The following ARHGAP15 variants were observed in gnomAD, a reference collection of about 807,000 sequenced individuals.
ARHGAP15 encodes the protein Rho GTPase activating protein 15, also known as rho GTPase-activating protein 15.
Under a neutral mutation model 63.7 loss-of-function variants are expected in ARHGAP15, and 51 were observed. The observed-to-expected ratio is 0.80, with a 90% CI of 0.64 to 1.01. The LOEUF is 1.01. Ranked by LOEUF, ARHGAP15 falls within the 50% of genes least tolerant of loss-of-function variation. The pLI, the probability that ARHGAP15 is intolerant of heterozygous loss-of-function variation, is 0.00. For synonymous variants in ARHGAP15, 191 were observed against 193.8 expected, an observed-to-expected ratio of 0.99 and a Z score of 0.12; for missense variants, 560 against 564.6, an observed-to-expected ratio of 0.99 and a Z score of 0.08.
At chr2:143,249,090 G>A (rs1679999309) in intron 5 of ARHGAP15, among the ~76,000 whole-genome samples, 1 of 152,080 alleles carries the variant, frequency 6.6e-6, no homozygotes, top group South Asian at 2.1e-4. Flanking sequence ...GTGATCACCT[G>A]GGTGGCAGAG....
At chr2:143,568,671 C>T (rs1413936075) in intron 11 of ARHGAP15, among the ~76,000 whole-genome samples, 1 of 152,046 alleles carries the variant, frequency 6.6e-6, no homozygotes, top group Non-Finnish European at 1.5e-5. Context: ...GGATATATAC[C>T]CAAAGAATTA....
chr2:143,405,358 T>C (rs1688156074), intron 6 of ARHGAP15, among the ~76,000 whole-genome samples: 1 of 151,900 alleles, frequency 6.6e-6, no homozygotes, highest in Non-Finnish European at 1.5e-5. Context: ...TTTTTTATTT[T>C]TTTGATTTCC....
chr2:143,541,378 G>A (rs1018017951), intron 10 of ARHGAP15, among the ~76,000 whole-genome samples: 49 of 152,210 alleles, frequency 3.2e-4, no homozygotes, highest in East Asian at 7.7e-4. Context: ...CTCTCAACTC[G>A]TCAAAGTCAT....
intron 13 of ARHGAP15, among the ~76,000 whole-genome samples, chr2:143,760,168 T>A (rs1686711435): frequency 1.3e-5 from 2 of 152,202 alleles, no homozygotes; most frequent in Admixed American, 1.3e-4. Flanking sequence ...AACTAATAAA[T>A]GGTTACATCG....
intron 6 of ARHGAP15, among the ~76,000 whole-genome samples, chr2:143,317,698 T>C (rs970033454): frequency 3.9e-5 from 6 of 152,154 alleles, no homozygotes; most frequent in Admixed American, 1.3e-4. Context: ...AGATAATATT[T>C]TCGAGAAGAT....
At chr2:143,161,269 A>G (rs1182366565) in intron 2 of ARHGAP15, among the ~76,000 whole-genome samples, 1 of 151,992 alleles carries the variant, frequency 6.6e-6, no homozygotes, top group African/African-American at 2.4e-5. Context: ...GGAGAAAAAC[A>G]GGCTATTCAT....
At chr2:143,187,048 C>T (rs1574065901) in intron 2 of ARHGAP15, among the ~76,000 whole-genome samples, 1 of 152,156 alleles carries the variant, frequency 6.6e-6, no homozygotes, top group Admixed American at 6.5e-5. Context: ...ATCCAAGGAT[C>T]TAGTGGCCCC....
intron 6 of ARHGAP15, among the ~76,000 whole-genome samples, chr2:143,295,037 T>C (rs11904671): frequency 0.11 from 16,800 of 152,102 alleles, 1,008 homozygotes; most frequent in Non-Finnish European, 0.14. Context: ...TTATTTTTAG[T>C]AGCCCCATTT....
chr2:143,583,314 T>A (rs1394450367), intron 11 of ARHGAP15, among the ~76,000 whole-genome samples: 1 of 152,206 alleles, frequency 6.6e-6, no homozygotes, highest in Non-Finnish European at 1.5e-5. Flanking sequence ...CTCCATATGT[T>A]ACATATTATT....
At chr2:143,509,323 G>A (rs1361363819) in intron 9 of ARHGAP15, among the ~76,000 whole-genome samples, 70 of 143,980 alleles carry the variant, frequency 4.9e-4, no homozygotes, top group African/African-American at 1.5e-3. Flanking sequence ...TCTTGTACTT[G>A]CCTCTTATGA....
chr2:143,754,982 T>G (rs1686518973), intron 13 of ARHGAP15, among the ~76,000 whole-genome samples: 2 of 152,196 alleles, frequency 1.3e-5, no homozygotes, highest in Admixed American at 1.3e-4. Flanking sequence ...TGTTGCTGAC[T>G]GAACATTGGG....
chr2:143,390,805 A>G (rs1029785189), intron 6 of ARHGAP15, among the ~76,000 whole-genome samples: 19 of 152,062 alleles, frequency 1.2e-4, no homozygotes, highest in Admixed American at 1.2e-3. Context: ...GTACCAACCC[A>G]AAGGGAGGGA....
At chr2:143,361,870 A>G (rs1286244599) in intron 6 of ARHGAP15, among the ~76,000 whole-genome samples, 18 of 152,182 alleles carry the variant, frequency 1.2e-4, no homozygotes, top group Admixed American at 1.2e-3. Context: ...GTTCACTGTT[A>G]ATAATTTCTC....
chr2:143,467,018 T>G (rs1269975920), intron 8 of ARHGAP15, among the ~76,000 whole-genome samples: 1 of 152,072 alleles, frequency 6.6e-6, no homozygotes, highest in African/African-American at 2.4e-5. Context: ...AGGAAAAACG[T>G]CTTTAATTTC....
chr2:143,279,521 T>C (rs1681737534), intron 6 of ARHGAP15, among the ~76,000 whole-genome samples: 1 of 152,178 alleles, frequency 6.6e-6, no homozygotes, highest in African/African-American at 2.4e-5. Flanking sequence ...ACTTTGGACA[T>C]AGAAGACAAA....
chr2:143,363,798 T>A (rs1686168547), intron 6 of ARHGAP15, among the ~76,000 whole-genome samples: 1 of 152,216 alleles, frequency 6.6e-6, no homozygotes, highest in South Asian at 2.1e-4. Context: ...CTTCATCAGA[T>A]CATGGGACTT....
chr2:143,253,994 C>T (rs911286724), intron 6 of ARHGAP15, among the ~76,000 whole-genome samples: 2 of 152,006 alleles, frequency 1.3e-5, no homozygotes, highest in Non-Finnish European at 2.9e-5. Flanking sequence ...TGATGTAGTT[C>T]GAGAAACCTT....
chr2:143,270,996 TCA>T (rs1681251185), intron 6 of ARHGAP15, among the ~76,000 whole-genome samples: 1 of 152,202 alleles, frequency 6.6e-6, no homozygotes, highest in Non-Finnish European at 1.5e-5. Flanking sequence ...CTTCACAAAT[TCA>T]CACTTTCTGT....
chr2:143,151,667 C>T (rs1689826918), intron 1 of ARHGAP15, among the ~76,000 whole-genome samples: 3 of 151,850 alleles, frequency 2.0e-5, no homozygotes, highest in South Asian at 4.1e-4. Context: ...GCAGTGGGTG[C>T]TCTGGCAGCT....
Sources: gnomAD v4.1 joint callset for allele counts (sites outside exome capture counted in the v4.1 genomes callset) on GRCh38, gnomAD v4.1.1 for gene constraint, MANE v1.5 for transcripts, NCBI Gene and HGNC (gene_info 2026-07-23, HGNC 2026-07-21) for gene names.